Variants in DNAH7 observed in about 807,000 individuals in gnomAD.
DNAH7 encodes the protein axonemal beta dynein heavy chain 7.
In DNAH7, 397 loss-of-function variants were observed where a neutral mutation model predicts 444.6. The observed-to-expected ratio is 0.89, with a 90% CI of 0.82 to 0.97. DNAH7 has a LOEUF of 0.97. Ranked by LOEUF, DNAH7 falls within the 50% of genes least tolerant of loss-of-function variation. The probability of loss-of-function intolerance (pLI) is 0.00; values close to 1 mark genes in which losing one functional copy is unlikely to be tolerated. For synonymous variants in DNAH7, 1,636 were observed against 1,624.4 expected (o/e 1.01, Z -0.17); for missense variants, 4,902 against 4,800.8 (o/e 1.02, Z -0.62).
intron 57 of DNAH7, among the ~76,000 whole-genome samples, chr2:195,790,918 G>A (rs979574056): frequency 5.5e-4 from 84 of 152,090 alleles, no homozygotes; most frequent in African/African-American, 1.9e-3. Flanking sequence ...TTCAGAATGG[G>A]AGAAAATATT....
At chr2:195,747,149 A>C (rs984092368) in intron 63 of DNAH7, among the ~76,000 whole-genome samples, 37 of 152,140 alleles carry the variant, frequency 2.4e-4, no homozygotes, top group Non-Finnish European at 5.0e-4. Flanking sequence ...AGACGCAATA[A>C]AAAATGATAA....
chr2:195,963,353 G>T (rs543912980), intron 17 of DNAH7, among the ~76,000 whole-genome samples: 2 of 152,286 alleles, frequency 1.3e-5, no homozygotes, highest in Admixed American at 6.5e-5. Flanking sequence ...GCATGTCTCT[G>T]ATAATCAATG....
In DNAH7 at chr2:196,000,325, G is replaced by C. The variant is rs536399706; in HGVS notation, c.1353+379C>G. ...AAAGGAGCTCACTATTACGGAAAAA[G>C]GTATATGAGGGGAGTAATAAACTCG... On this transcript the variant is annotated intron_variant, in intron 12 of 64. Coordinates refer to ENST00000312428, the MANE Select transcript of DNAH7 (RefSeq NM_018897.3). Among the ~76,000 whole-genome samples, 205 of 152,164 alleles carry C rather than the reference G, an allele frequency of 1.3e-3. 2 individuals carry two copies. Among genetic ancestry groups the C allele is most frequent in the African/African-American group, 4.7e-3 (197 of 41,500 alleles).
At chr2:195,883,113 CAT>C (rs1284641357) in intron 35 of DNAH7, among the ~76,000 whole-genome samples, 1 of 152,008 alleles carries the variant, frequency 6.6e-6, no homozygotes, top group Non-Finnish European at 1.5e-5. Context: ...TCTTTTCAAA[CAT>C]GTGTCTTTTG....
At chr2:195,862,037 G>T in intron 41 of DNAH7, 91 bp from the exon 42 acceptor site, 1 of 959,200 alleles carries the variant, frequency 1.0e-6, no homozygotes, top group South Asian at 1.6e-5. Context: ...TGGATGTTGG[G>T]GGTGAAGGGG....
intron 6 of DNAH7, among the ~76,000 whole-genome samples, chr2:196,027,442 CA>C (rs1207577193): frequency 6.6e-6 from 1 of 151,672 alleles, no homozygotes; most frequent in African/African-American, 2.4e-5. Flanking sequence ...CATTTTAAAA[CA>C]AGTTATTATT....
chr2:195,865,109 A>T, intron 40 of DNAH7, 88 bp from the exon 41 acceptor site: 1 of 1,302,354 alleles, frequency 7.7e-7, no homozygotes, highest in Non-Finnish European at 1.0e-6. Flanking sequence ...CAGGTAATAA[A>T]AATATTAGAA....
At chr2:195,818,880 T>A (rs1697342101) in intron 49 of DNAH7, among the ~76,000 whole-genome samples, 1 of 152,224 alleles carries the variant, frequency 6.6e-6, no homozygotes, top group Admixed American at 6.5e-5. Flanking sequence ...TGTCTTTTTT[T>A]AATAATAAAG....
In DNAH7 at chr2:195,777,838, C is replaced by T. The variant is rs746243860; in HGVS notation, c.11026G>A (p.Asp3676Asn). 1.6e-5 allele frequency: 26 copies of T among 1,613,374 alleles called. No individual in the cohort carries two copies. The highest frequency in any genetic ancestry group is 3.3e-4 in the Middle Eastern group (2 of 6,080). Residue 3676 changes from aspartate (D) to asparagine (N), a missense_variant, in exon 59 of 65, where the codon GAC (aspartate) becomes AAC (asparagine). Physicochemically the swap from Asp to Asn is conservative, Grantham distance 23 (BLOSUM62 1). Transcript: ENST00000312428. ...GGAACAAAATAGATGCCACTTGAGTCGAACTTATAGTCTGAATTTTCAACT... is the reference window on the plus strand; with the variant it reads ...GGAACAAAATAGATGCCACTTGAGTTGAACTTATAGTCTGAATTTTCAACT... ...ELVENSDYKF[D>N]SSGIYFVPPS...
At chr2:195,877,154 A>T (rs1047842407) in intron 36 of DNAH7, among the ~76,000 whole-genome samples, 1 of 152,216 alleles carries the variant, frequency 6.6e-6, no homozygotes, top group African/African-American at 2.4e-5. Context: ...AACCAGGTGG[A>T]ATTACAATGG....
intron 48 of DNAH7, among the ~76,000 whole-genome samples, chr2:195,830,707 A>G (rs1427592098): frequency 6.6e-6 from 1 of 152,230 alleles, no homozygotes; most frequent in Non-Finnish European, 1.5e-5. Flanking sequence ...CACCAGATGG[A>G]TGGAAGAGCA....
chr2:195,926,338 T>C lies in DNAH7; in HGVS notation c.3612+88A>G, dbSNP rs1432773433. 6.0e-6 allele frequency: 7 copies of C among 1,162,990 alleles called. No homozygotes were observed. In the African/African-American group the frequency reaches 9.6e-5, roughly 16 times the overall value. The allele number at this position is 1,162,990 out of a possible 1,614,324, so 72.0% of individuals were successfully genotyped here. ...AAAGTAGATTTTTAAGTGAACTGTA[T>C]TTATTTTAGTTTTTAAAATAAGTGT... On this transcript the variant is annotated intron_variant, in intron 22 of 64. Transcript: ENST00000312428.
chr2:195,894,037 G>A (rs1702163252), intron 30 of DNAH7: 1 of 152,002 alleles, frequency 6.6e-6, no homozygotes, highest in South Asian at 2.1e-4. Context: ...AAAGAGAAGG[G>A]AAGTAAAGAA....
intron 24 of DNAH7, among the ~76,000 whole-genome samples, chr2:195,920,472 G>C (rs1390222358): frequency 3.9e-5 from 6 of 152,190 alleles, no homozygotes; most frequent in Non-Finnish European, 7.4e-5. Flanking sequence ...AGTGGGGAAA[G>C]GACATGCTAT....
In DNAH7 at chr2:195,981,315, C is replaced by T. The variant is rs866369890; in HGVS notation, c.1833+3317G>A. Among the ~76,000 whole-genome samples the T allele has an allele frequency of 1.4e-4, 22 of 151,912 alleles. No individual in the cohort carries two copies. In the Middle Eastern group the frequency reaches 0.01, roughly 70 times the overall value. On this transcript the variant is annotated intron_variant, in intron 15 of 64. Transcript: ENST00000312428. ...AAGATCTCTATAGTGAAAATTATAACACAATGATGAAAGAAATTGAAGACA... is the reference window on the plus strand; with the variant it reads ...AAGATCTCTATAGTGAAAATTATAATACAATGATGAAAGAAATTGAAGACA...
chr2:196,044,718 A>G (rs1696993150), intron 5 of DNAH7, among the ~76,000 whole-genome samples: 1 of 152,152 alleles, frequency 6.6e-6, no homozygotes, highest in African/African-American at 2.4e-5. Context: ...AAAAAGGATG[A>G]AATTGAGACC....
intron 64 of DNAH7, 68 bp downstream of exon 64, chr2:195,740,698 T>C (rs1202055419): frequency 2.0e-6 from 1 of 487,980 alleles, no homozygotes; most frequent in South Asian, 6.1e-5. Context: ...ATGGGGTCTA[T>C]TTTATATATA....
intron 61 of DNAH7, among the ~76,000 whole-genome samples, chr2:195,759,361 G>C (rs1694238348): frequency 6.6e-6 from 1 of 152,154 alleles, no homozygotes; most frequent in African/African-American, 2.4e-5. Context: ...TGCTGACTAA[G>C]GAGCTCTTGG....
At position 196,019,269 on chromosome 2, in the gene DNAH7, C is replaced by A; in HGVS notation, c.770G>T (p.Arg257Met). The A allele has an allele frequency of 6.7e-7, 1 of 1,498,658 alleles. No homozygotes were observed. Among genetic ancestry groups the A allele is most frequent in the South Asian group, 1.4e-5 (1 of 69,440 alleles). The allele number at this position is 1,498,658 out of a possible 1,614,324, so 92.8% of individuals were successfully genotyped here. The change falls in exon 9 of 65, where the codon AGG becomes ATG. Residue 257 changes from arginine (R) to methionine (M), a missense_variant. By Grantham distance (91) the Arg-to-Met change is moderately conservative. Coordinates refer to ENST00000312428, the MANE Select transcript of DNAH7 (RefSeq NM_018897.3). ...AEMEILPKPW[R>M]KSFLAASSYI... ...ACTGCTTGCAGCTAAAAAAGATTTC[C>A]TCCAAGGTTTTGGCAGAATTTCCAT...
Sources: allele counts gnomAD v4.1 joint callset (sites outside exome capture counted in the v4.1 genomes callset), GRCh38; gene constraint gnomAD v4.1.1; transcripts MANE v1.5; gene names NCBI Gene and HGNC (gene_info 2026-07-23, HGNC 2026-07-21).